Variants in PRRX2 observed in about 807,000 individuals in gnomAD.
PRRX2 encodes the protein paired related homeobox 2.
A neutral mutation model predicts 18.0 loss-of-function variants in PRRX2; 11 were observed. The observed-to-expected ratio is 0.61, with a 90% CI of 0.39 to 1.01. PRRX2 has a LOEUF of 1.01. Ranked by LOEUF, PRRX2 falls within the 50% of genes least tolerant of loss-of-function variation. The pLI, the probability that PRRX2 is intolerant of heterozygous loss-of-function variation, is 0.01. For synonymous variants in PRRX2, 177 were observed against 154.8 expected (o/e 1.14, Z -1.06); for missense variants, 387 against 351.0 (o/e 1.10, Z -0.82).
chr9:129,717,021 T>C (rs1433295417), intron 1 of PRRX2, among the ~76,000 whole-genome samples: 1 of 152,020 alleles, frequency 6.6e-6, no homozygotes, highest in Non-Finnish European at 1.5e-5. Flanking sequence ...CTTGTCAATT[T>C]TTAATTTTAT....
At chr9:129,717,695 C>CAAAAAAAAAAAAAA in intron 1 of PRRX2, among the ~76,000 whole-genome samples, 1 of 82,510 alleles carries the variant, frequency 1.2e-5, no homozygotes, top group East Asian at 3.1e-4. Context: ...GACTCCGCCT[C>CAAAAAAAAAAAAAA]AAAAAAAAAA....
At chr9:129,688,262 C>T (rs943353157) in intron 1 of PRRX2, among the ~76,000 whole-genome samples, 20 of 152,234 alleles carry the variant, frequency 1.3e-4, no homozygotes, top group African/African-American at 3.9e-4. Context: ...GGGGGTCTCA[C>T]TCTGTTGCCC....
At chr9:129,721,282 C>G (rs144626571) in intron 3 of PRRX2, among the ~76,000 whole-genome samples, 250 of 152,282 alleles carry the variant, frequency 1.6e-3, no homozygotes, top group African/African-American at 5.7e-3. Flanking sequence ...GTCTCCCTGG[C>G]CTGCGGGCAT....
In PRRX2 at chr9:129,722,432, TCTC is replaced by T. The variant is rs1190620627; in HGVS notation, c.*83_*85del. ...GGGGCAGACGCCCAGGAAGTGACCT[TCTC>T]CTGGATGAGCTCTCCTGGCCCGTCT... On this transcript the variant is annotated 3_prime_UTR_variant, in exon 4 of 4. Transcript: ENST00000372469. 3 of 1,524,054 alleles carry T rather than the reference TCTC, an allele frequency of 2.0e-6. No individual in the cohort carries two copies. Among genetic ancestry groups the T allele is most frequent in the African/African-American group, 2.8e-5 (2 of 72,368 alleles). The allele number at this position is 1,524,054 out of a possible 1,614,324, so 94.4% of individuals were successfully genotyped here. A position where few individuals can be genotyped will look rare whatever the true frequency, so the allele number is the denominator to read the frequency against.
intron 1 of PRRX2, among the ~76,000 whole-genome samples, chr9:129,678,188 T>G (rs982590949): frequency 6.6e-6 from 1 of 152,140 alleles, no homozygotes; most frequent in Admixed American, 6.5e-5. Flanking sequence ...GGTCTCGAAC[T>G]CCTGGCCTCA....
chr9:129,690,753 G>A (rs868063970), intron 1 of PRRX2, among the ~76,000 whole-genome samples: 9 of 151,642 alleles, frequency 5.9e-5, no homozygotes, highest in Non-Finnish European at 1.0e-4. Flanking sequence ...TGATCTGCCC[G>A]CCTTGGCCTC....
In PRRX2 at chr9:129,675,426, C is replaced by T. The variant is rs986291913; in HGVS notation, c.259+9300C>T. On this transcript the variant is annotated intron_variant, in intron 1 of 3. Coordinates refer to ENST00000372469, the MANE Select transcript of PRRX2 (RefSeq NM_016307.4). This position sits in a 1 kb window ranked among gnomAD's most constrained non-coding sequence, Gnocchi z 4.4. ...GTGGCCAGGGTTGGGGTGTAGGAGG[C>T]AGTCAAAAGCACCCCTGCTGAGCTG... Among the ~76,000 whole-genome samples, 1 of 152,222 alleles carries T rather than the reference C, an allele frequency of 6.6e-6. No homozygotes were observed. The highest frequency in any genetic ancestry group is 2.1e-4 in the South Asian group (1 of 4,828).
rs1361399573 is a variant in PRRX2, at chr9:129,709,267, T to A, written c.260-9964T>A. On this transcript the variant is annotated intron_variant, in intron 1 of 3. Coordinates refer to ENST00000372469, the MANE Select transcript of PRRX2 (RefSeq NM_016307.4). The surrounding 1 kb of genome is among the most constrained non-coding windows in gnomAD (Gnocchi z 4.2). Reference sequence around the variant, plus strand: ...CTTTCTTGTGGGTCTGGTGGCCCCATGGAAATGTGTGCATGTCATGTATTT... The same window carrying A: ...CTTTCTTGTGGGTCTGGTGGCCCCAAGGAAATGTGTGCATGTCATGTATTT... Among the ~76,000 whole-genome samples the A allele has an allele frequency of 6.6e-6, 1 of 152,120 alleles. No individual in the cohort carries two copies. The highest frequency in any genetic ancestry group is 1.5e-5 in the Non-Finnish European group (1 of 68,022).
In PRRX2 at chr9:129,682,539, C is replaced by T. The variant is rs552360589; in HGVS notation, c.259+16413C>T. On this transcript the variant is annotated intron_variant, in intron 1 of 3. Coordinates refer to ENST00000372469, the MANE Select transcript of PRRX2 (RefSeq NM_016307.4). ...CCTCCGCCCCAGCCCCACCCTGGGG[C>T]GGGGTGGTGAGAATAGGGACTTGTT... 5.3e-5 allele frequency among the ~76,000 whole-genome samples: 8 copies of T among 152,132 alleles called. 1 individual carries two copies. Among genetic ancestry groups the T allele is most frequent in the South Asian group, 4.1e-4 (2 of 4,822 alleles).
intron 1 of PRRX2, among the ~76,000 whole-genome samples, chr9:129,689,385 C>T (rs762816665): frequency 1.3e-5 from 2 of 152,244 alleles, no homozygotes; most frequent in Non-Finnish European, 2.9e-5. Context: ...TAGTGCTCCG[C>T]TTGAAGGAAT....
intron 1 of PRRX2, among the ~76,000 whole-genome samples, chr9:129,683,266 A>G (rs1011742850): frequency 9.9e-5 from 15 of 152,210 alleles, no homozygotes; most frequent in African/African-American, 3.1e-4. Context: ...GACTAAGCAC[A>G]TGACACACAC....
chr9:129,696,411 C>CA (rs1029718929), intron 1 of PRRX2, among the ~76,000 whole-genome samples: 15 of 151,968 alleles, frequency 9.9e-5, no homozygotes, highest in African/African-American at 3.1e-4. Context: ...CCCGTCTCTA[C>CA]AAAAAATACA....
chr9:129,714,856 A>G (rs1028460947), intron 1 of PRRX2, among the ~76,000 whole-genome samples: 1 of 152,184 alleles, frequency 6.6e-6, no homozygotes. Context: ...CCCAAGAGGA[A>G]CTGCCTGAAG....
chr9:129,691,205 C>T (rs991019480), intron 1 of PRRX2, among the ~76,000 whole-genome samples: 2 of 150,572 alleles, frequency 1.3e-5, no homozygotes, highest in African/African-American at 4.9e-5. Context: ...CGCGTCATGG[C>T]GGGAACCTGT....
At chr9:129,706,632 G>T (rs765870457) in intron 1 of PRRX2, among the ~76,000 whole-genome samples, 4 of 152,140 alleles carry the variant, frequency 2.6e-5, no homozygotes, top group Non-Finnish European at 5.9e-5. Context: ...GGAGGCTGAG[G>T]TGGGAGGATC....
intron 1 of PRRX2, among the ~76,000 whole-genome samples, chr9:129,692,457 A>C (rs899660901): frequency 6.6e-6 from 1 of 151,356 alleles, no homozygotes; most frequent in Non-Finnish European, 1.5e-5. Context: ...GGTGTTGTTC[A>C]TTCTGTGGGG....
Position 129,695,912 on chromosome 9 carries a change from C to T in PRRX2, c.260-23319C>T, listed in dbSNP as rs1228484778. The stretch of plus-strand genomic sequence containing the variant: ...GCAGCTCAGAAAAAAACACTCTTCT[C>T]CCATTTTAAGGGTGAACATGGCACT... On this transcript the variant is annotated intron_variant, in intron 1 of 3. Coordinates refer to ENST00000372469, the MANE Select transcript of PRRX2 (RefSeq NM_016307.4). This position sits in a 1 kb window ranked among gnomAD's most constrained non-coding sequence, Gnocchi z 4.8. Among the ~76,000 whole-genome samples, 3 of 152,288 alleles carry T rather than the reference C, an allele frequency of 2.0e-5. No homozygotes were observed. The highest frequency in any genetic ancestry group is 7.2e-5 in the African/African-American group (3 of 41,562).
intron 1 of PRRX2, among the ~76,000 whole-genome samples, chr9:129,703,748 G>T (rs1301535970): frequency 6.6e-6 from 1 of 152,216 alleles, no homozygotes; most frequent in Non-Finnish European, 1.5e-5. Context: ...GAGGGGCGCG[G>T]CAGAAACACT....
At chr9:129,684,533 C>CA (rs1832280253) in intron 1 of PRRX2, among the ~76,000 whole-genome samples, 4 of 130,854 alleles carry the variant, frequency 3.1e-5, no homozygotes, top group South Asian at 2.4e-4. Context: ...CCCACACACA[C>CA]CCCAACAGAA....
Sources: gnomAD v4.1 joint callset for allele counts (sites outside exome capture counted in the v4.1 genomes callset) on GRCh38, gnomAD v4.1.1 for gene constraint, Gnocchi (gnomAD v3.1) non-coding constraint, MANE v1.5 for transcripts, NCBI Gene and HGNC (gene_info 2026-07-23, HGNC 2026-07-21) for gene names.